HTR7: variants seen among roughly 807,000 people sequenced by gnomAD.
HTR7 encodes 5-hydroxytryptamine receptor 7.
HTR7 carries 16 observed loss-of-function variants against 34.0 expected under a neutral mutation model. The observed-to-expected ratio is 0.47, with a 90% CI of 0.32 to 0.71. The LOEUF is 0.71. Among genes scored for constraint, HTR7 ranks in the 30% least tolerant of loss-of-function variants. The pLI, the probability that HTR7 is intolerant of heterozygous loss-of-function variation, is 0.04. For missense variants in HTR7, 504 were observed against 625.5 expected (o/e 0.81, Z 2.07); for synonymous variants, 265 against 260.2 (o/e 1.02, Z -0.18).
chr10:90,811,144 G>A (rs1408331662), intron 1 of HTR7, among the ~76,000 whole-genome samples: 4 of 152,074 alleles, frequency 2.6e-5, no homozygotes, highest in Admixed American at 6.5e-5. Context: ...TCATTACACA[G>A]AGCTGAAGTG....
chr10:90,844,725 TCAAAAAAAAAAAAAAAAAAA>T (rs1356219773), intron 1 of HTR7, among the ~76,000 whole-genome samples: 6 of 27,794 alleles, frequency 2.2e-4, no homozygotes, highest in Admixed American at 1.4e-3. Flanking sequence ...AGACTCCGTC[TCAAAAAAAAAAAAAAAAAAA>T]AAAAAAAAAA....
chr10:90,797,718 A>G (rs1272143155), intron 1 of HTR7, among the ~76,000 whole-genome samples: 2 of 152,250 alleles, frequency 1.3e-5, no homozygotes, highest in Admixed American at 6.5e-5. Context: ...TAAAAAAGAA[A>G]TGAATTATCA....
At chr10:90,771,495 C>T (rs1845111311) in intron 1 of HTR7, among the ~76,000 whole-genome samples, 1 of 152,224 alleles carries the variant, frequency 6.6e-6, no homozygotes, top group Non-Finnish European at 1.5e-5. Context: ...GGCTGTGACT[C>T]CCTCTTTGAG....
At chr10:90,840,202 C>T (rs1335959106) in intron 1 of HTR7, among the ~76,000 whole-genome samples, 2 of 151,774 alleles carry the variant, frequency 1.3e-5, no homozygotes, top group Non-Finnish European at 2.9e-5. Context: ...CACACACACA[C>T]ACACACACAC....
intron 1 of HTR7, among the ~76,000 whole-genome samples, chr10:90,792,083 T>C (rs554917973): frequency 1.5e-4 from 23 of 152,284 alleles, no homozygotes; most frequent in Non-Finnish European, 2.6e-4. Context: ...AGCCACTTTA[T>C]CAAAAACATG....
chr10:90,855,351 T>C (rs1048158413), intron 1 of HTR7, among the ~76,000 whole-genome samples: 1 of 152,220 alleles, frequency 6.6e-6, no homozygotes, highest in African/African-American at 2.4e-5. Flanking sequence ...AATCACAAGG[T>C]GATCTCAGCC....
At chr10:90,831,662 C>T (rs1335941034) in intron 1 of HTR7, among the ~76,000 whole-genome samples, 3 of 152,050 alleles carry the variant, frequency 2.0e-5, no homozygotes, top group East Asian at 3.9e-4. Context: ...TACAGAGAGC[C>T]GATTGGTCTG....
chr10:90,841,201 A>C (rs888021178), intron 1 of HTR7, among the ~76,000 whole-genome samples: 8 of 152,348 alleles, frequency 5.3e-5, no homozygotes, highest in African/African-American at 1.7e-4. Context: ...TAGGACACTT[A>C]GTATCTTGAG....
chr10:90,806,341 G>A (rs1845706178), intron 1 of HTR7, among the ~76,000 whole-genome samples: 1 of 152,174 alleles, frequency 6.6e-6, no homozygotes, highest in Non-Finnish European at 1.5e-5. Flanking sequence ...GCTCACGCCT[G>A]TAATCCCAAC....
At chr10:90,811,548 A>G (rs1160001085) in intron 1 of HTR7, among the ~76,000 whole-genome samples, 1 of 152,062 alleles carries the variant, frequency 6.6e-6, no homozygotes, top group Non-Finnish European at 1.5e-5. Flanking sequence ...GCTATGCTAT[A>G]GTACAAGCCA....
rs1846285584 is a variant in HTR7, at chr10:90,838,688, T to G, written c.539+18445A>C. On this transcript the variant is annotated intron_variant, in intron 1 of 3. Transcript: ENST00000336152. ...TCTCCTTCCAGGTTTTCCTTTTGTC[T>G]CTCTCCTCCAATCACACTGGCCCAG... is the stretch of plus-strand genomic sequence containing the variant. Among the ~76,000 whole-genome samples, 5 of 152,292 alleles carry G rather than the reference T, an allele frequency of 3.3e-5. No homozygotes were observed. In the South Asian group the frequency reaches 1.0e-3, roughly 32 times the overall value.
At chr10:90,830,481 A>G (rs984543301) in intron 1 of HTR7, among the ~76,000 whole-genome samples, 6 of 152,168 alleles carry the variant, frequency 3.9e-5, no homozygotes, top group Admixed American at 1.3e-4. Context: ...ACGTGAGCAA[A>G]AGTCACTATA....
At chr10:90,788,707 T>C (rs897752170) in intron 1 of HTR7, among the ~76,000 whole-genome samples, 1 of 152,212 alleles carries the variant, frequency 6.6e-6, no homozygotes, top group African/African-American at 2.4e-5. Context: ...ATGTACTTCA[T>C]ATAAGACCTC....
chr10:90,768,784 A>G (rs559176362), intron 1 of HTR7, among the ~76,000 whole-genome samples: 6 of 152,358 alleles, frequency 3.9e-5, no homozygotes, highest in Admixed American at 1.3e-4. Context: ...CCACCAATCA[A>G]GGACAAAATG....
At chr10:90,781,199 TTGATA>T (rs1845301202) in intron 1 of HTR7, among the ~76,000 whole-genome samples, 1 of 152,228 alleles carries the variant, frequency 6.6e-6, no homozygotes, top group Non-Finnish European at 1.5e-5. Context: ...TTTATGTATG[TTGATA>T]TGTAATCTTT....
At chr10:90,839,276 T>C (rs191972258) in intron 1 of HTR7, among the ~76,000 whole-genome samples, 91 of 152,286 alleles carry the variant, frequency 6.0e-4, no homozygotes, top group Middle Eastern at 6.8e-3. Context: ...GACTTTTCAA[T>C]CCAAACATAC....
intron 1 of HTR7, among the ~76,000 whole-genome samples, chr10:90,808,560 C>T (rs568071966): frequency 2.4e-4 from 37 of 151,838 alleles, no homozygotes; most frequent in Non-Finnish European, 4.0e-4. Context: ...TATATCTCTG[C>T]GCCCTGATCC....
chr10:90,810,940 T>C (rs994229673), intron 1 of HTR7, among the ~76,000 whole-genome samples: 2 of 152,034 alleles, frequency 1.3e-5, no homozygotes, highest in Non-Finnish European at 2.9e-5. Flanking sequence ...TTCTACATCC[T>C]AGGCATGGTT....
In HTR7 at chr10:90,754,583, A is replaced by G. The variant is rs531348799; in HGVS notation, c.540-4989T>C. On this transcript the variant is annotated intron_variant, in intron 1 of 3. Coordinates refer to ENST00000336152, the MANE Select transcript of HTR7 (RefSeq NM_019859.4). The stretch of plus-strand genomic sequence containing the variant: ...TAAATCTCAGAGACGAAAGCACTGA[A>G]GTATTATATAATTGAGGAATATATG... Among the ~76,000 whole-genome samples the G allele has an allele frequency of 3.3e-5, 5 of 152,336 alleles. No individual in the cohort carries two copies. In the South Asian group the frequency reaches 1.0e-3, roughly 32 times the overall value.
Sources: gnomAD v4.1 joint callset for allele counts (sites outside exome capture counted in the v4.1 genomes callset) on GRCh38, gnomAD v4.1.1 for gene constraint, MANE v1.5 for transcripts, NCBI Gene and HGNC (gene_info 2026-07-23, HGNC 2026-07-21) for gene names.